Variants in SASH1 observed in about 807,000 individuals in gnomAD.
The protein encoded by SASH1 is SAM and SH3 domain-containing protein 1.
Under a neutral mutation model 125.2 loss-of-function variants are expected in SASH1, and 44 were observed. The ratio of observed to expected loss-of-function variants is 0.35; its 90% CI spans 0.28 to 0.45. The LOEUF is 0.45. SASH1 is among the 20% of genes least tolerant of loss of function. The pLI, the probability that SASH1 is intolerant of heterozygous loss-of-function variation, is 1.00. For synonymous variants in SASH1, 639 were observed against 649.1 expected (o/e 0.98, Z 0.24); for missense variants, 1,426 against 1,614.5 (o/e 0.88, Z 2.00).
At chr6:148,337,553 G>T (rs2495938) in intron 1 of SASH1, among the ~76,000 whole-genome samples, 1 of 151,796 alleles carries the variant, frequency 6.6e-6, no homozygotes, top group Non-Finnish European at 1.5e-5. Context: ...ATAGAGACGA[G>T]GTTTCACCAT....
intron 1 of SASH1, among the ~76,000 whole-genome samples, chr6:148,383,075 A>T (rs1000577950): frequency 2.0e-5 from 3 of 152,246 alleles, no homozygotes; most frequent in Non-Finnish European, 2.9e-5. Context: ...AACGACGACG[A>T]CGTGGCAGGA....
intron 10 of SASH1, among the ~76,000 whole-genome samples, chr6:148,522,651 T>C (rs1780890826): frequency 1.3e-5 from 2 of 152,256 alleles, no homozygotes; most frequent in South Asian, 2.1e-4. Flanking sequence ...CCAAAACATG[T>C]GTTTCCAACT....
intron 10 of SASH1, chr6:148,524,783 C>A: frequency 6.5e-6 from 1 of 153,252 alleles, no homozygotes; most frequent in Non-Finnish European, 1.5e-5. Flanking sequence ...CCCCCCTCTT[C>A]TCAGCGATTT....
intron 1 of SASH1, among the ~76,000 whole-genome samples, chr6:148,277,132 T>C (rs528648990): frequency 6.6e-6 from 1 of 152,236 alleles, no homozygotes; most frequent in South Asian, 2.1e-4. Flanking sequence ...GAGCCAGTAT[T>C]TGAACCCAGA....
intron 1 of SASH1, among the ~76,000 whole-genome samples, chr6:148,383,583 A>G (rs745887160): frequency 6.6e-6 from 1 of 152,188 alleles, no homozygotes; most frequent in East Asian, 1.9e-4. Flanking sequence ...TACAATCTGC[A>G]TGCAACAGAT....
chr6:148,225,140 T>C, the SASH1 span, among the ~76,000 whole-genome samples: 3 of 152,232 alleles, frequency 2.0e-5, no homozygotes, highest in South Asian at 4.1e-4. Context: ...GTCTTAAGCA[T>C]TGGAGTGGCT....
chr6:148,215,611 A>T, the SASH1 span, among the ~76,000 whole-genome samples: 1 of 152,126 alleles, frequency 6.6e-6, no homozygotes, highest in African/African-American at 2.4e-5. Context: ...TAAAATCTTT[A>T]AAAATGGGAT....
At chr6:148,454,625 G>A (rs1434702538) in intron 4 of SASH1, among the ~76,000 whole-genome samples, 3 of 152,168 alleles carry the variant, frequency 2.0e-5, no homozygotes, top group Non-Finnish European at 2.9e-5. Context: ...CCCAGGCCTA[G>A]CTGGTGGAAG....
intron 1 of SASH1, among the ~76,000 whole-genome samples, chr6:148,387,080 T>TCC (rs1783401847): frequency 1.5e-5 from 1 of 68,348 alleles, no homozygotes; most frequent in South Asian, 4.1e-4. Flanking sequence ...TCTCCCTCTG[T>TCC]CTCTCTCTCT....
chr6:148,309,993 T>C (rs754584479), intron 1 of SASH1, among the ~76,000 whole-genome samples: 1 of 152,080 alleles, frequency 6.6e-6, no homozygotes, highest in Non-Finnish European at 1.5e-5. Context: ...AAATTAAAAA[T>C]ATAAACAAGC....
At chr6:148,398,012 G>A (rs370834963) in intron 2 of SASH1, among the ~76,000 whole-genome samples, 2 of 152,264 alleles carry the variant, frequency 1.3e-5, no homozygotes, top group South Asian at 4.1e-4. Flanking sequence ...CAATCAGAAG[G>A]CACAGGGAAG....
At chr6:148,380,006 G>A (rs1783071200) in intron 1 of SASH1, 1 of 455,466 alleles carries the variant, frequency 2.2e-6, no homozygotes, top group Non-Finnish European at 4.4e-6. Flanking sequence ...GTATTTTTCA[G>A]TTGTTACCTG....
chr6:148,412,762 C>A (rs569809858), intron 2 of SASH1, among the ~76,000 whole-genome samples: 2 of 152,278 alleles, frequency 1.3e-5, no homozygotes, highest in South Asian at 4.1e-4. Flanking sequence ...CCACCTCCAC[C>A]ACTGGGGATC....
chr6:148,436,534 A>G (rs1745285394), intron 2 of SASH1, among the ~76,000 whole-genome samples: 1 of 144,344 alleles, frequency 6.9e-6, no homozygotes, highest in African/African-American at 2.5e-5. Context: ...AAAATTAAAA[A>G]AAACAAAAAA....
chr6:148,299,297 T>G (rs1050099991), intron 1 of SASH1, among the ~76,000 whole-genome samples: 2 of 149,038 alleles, frequency 1.3e-5, no homozygotes, highest in Admixed American at 6.8e-5. Flanking sequence ...AGATTTTTTT[T>G]GTAATGATTT....
intron 2 of SASH1, among the ~76,000 whole-genome samples, chr6:148,423,701 G>C (rs1461945454): frequency 6.6e-6 from 1 of 152,076 alleles, no homozygotes; most frequent in East Asian, 1.9e-4. Flanking sequence ...AGCTCTTGAA[G>C]GTCAGTGACT....
intron 1 of SASH1, among the ~76,000 whole-genome samples, chr6:148,349,091 A>G (rs1781614369): frequency 6.6e-6 from 1 of 152,086 alleles, no homozygotes; most frequent in African/African-American, 2.4e-5. Context: ...CCACAGAGCA[A>G]AGAGGGACAA....
In SASH1 at chr6:148,487,660, CT is replaced by C. The variant is rs774753562; in HGVS notation, c.675del (p.Ala226LeufsTer31). Reference sequence around the variant, plus strand: ...CACCGGCAGTCGGCTGCCCTGGACCCTGCTGACTGGCCAGATGGTTCTTACC... The same window carrying C: ...CACCGGCAGTCGGCTGCCCTGGACCCGCTGACTGGCCAGATGGTTCTTACC... ...AQHRQSAALD[P>X]ADWPDGSYPT... On this transcript the variant is annotated frameshift_variant, in exon 8 of 20. Coordinates refer to ENST00000367467, the MANE Select transcript of SASH1 (RefSeq NM_015278.5). LOFTEE classifies it high-confidence loss of function. The C allele has an allele frequency of 6.2e-7, 1 of 1,613,902 alleles. No individual in the cohort carries two copies. The highest frequency in any genetic ancestry group is 2.2e-5 in the East Asian group (1 of 44,822).
chr6:148,279,054 C>T (rs1034761019), intron 1 of SASH1, among the ~76,000 whole-genome samples: 7 of 151,266 alleles, frequency 4.6e-5, no homozygotes, highest in Admixed American at 2.0e-4. Flanking sequence ...TGCAGTGGTG[C>T]GATCTCAGCT....
Sources: gnomAD v4.1 joint callset for allele counts (sites outside exome capture counted in the v4.1 genomes callset) on GRCh38, gnomAD v4.1.1 for gene constraint, MANE v1.5 for transcripts, NCBI Gene and HGNC (gene_info 2026-07-23, HGNC 2026-07-21) for gene names.